The following RBFOX1 variants were observed in gnomAD, a reference collection of about 807,000 sequenced individuals.
The protein encoded by RBFOX1 is RNA binding protein fox-1 homolog 1.
Under a neutral mutation model 57.7 loss-of-function variants are expected in RBFOX1, and 8 were observed. That is an observed-to-expected ratio of 0.14 (90% CI 0.08 to 0.25). The LOEUF (loss-of-function observed/expected upper bound fraction) is 0.25, where lower values mean the gene tolerates loss of function less well. Among genes scored for constraint, RBFOX1 ranks in the 10% least tolerant of loss-of-function variants. The pLI is 1.00. For missense variants in RBFOX1, 611 were observed against 548.5 expected (o/e 1.11, Z -1.14); for synonymous variants, 326 against 222.4 (o/e 1.47, Z -4.15).
At chr16:5,943,822 CA>C (rs2059330904) in intron 4 of RBFOX1, among the ~76,000 whole-genome samples, 1 of 152,178 alleles carries the variant, frequency 6.6e-6, no homozygotes, top group Admixed American at 6.6e-5. Flanking sequence ...CCCACTCACC[CA>C]TCCATCGACC....
chr16:6,951,424 A>G (rs2080738755), intron 3 of RBFOX1, among the ~76,000 whole-genome samples: 1 of 152,174 alleles, frequency 6.6e-6, no homozygotes, highest in Non-Finnish European at 1.5e-5. Flanking sequence ...TTACTTAAGA[A>G]TCTCATAATG....
chr16:6,600,987 G>C (rs1404918751), intron 2 of RBFOX1, among the ~76,000 whole-genome samples: 1 of 152,144 alleles, frequency 6.6e-6, no homozygotes, highest in Non-Finnish European at 1.5e-5. Flanking sequence ...ATTATAGTCA[G>C]AGCTGCAGTT....
intron 2 of RBFOX1, among the ~76,000 whole-genome samples, chr16:6,489,111 T>C (rs1436970710): frequency 6.6e-6 from 1 of 152,188 alleles, no homozygotes; most frequent in Non-Finnish European, 1.5e-5. Flanking sequence ...AGTGCCCTAT[T>C]TTTTTCCAAT....
chr16:7,704,173 C>A (rs371465714), intron 14 of RBFOX1, among the ~76,000 whole-genome samples: 38 of 152,126 alleles, frequency 2.5e-4, no homozygotes, highest in Admixed American at 2.2e-3. Flanking sequence ...TCTTTTTGCC[C>A]CAAGTCCTGA....
chr16:7,132,452 ACACACACACACACACACAC>A (rs1458622737), intron 4 of RBFOX1, among the ~76,000 whole-genome samples: 1 of 71,948 alleles, frequency 1.4e-5, no homozygotes, highest in East Asian at 8.1e-4. Context: ...ACACACACAC[ACACACACACACACACACAC>A]ACACACACAC....
At chr16:7,304,543 C>CCGCG (rs972012182) in intron 4 of RBFOX1, 36 of 985,210 alleles carry the variant, frequency 3.7e-5, no homozygotes, top group Non-Finnish European at 4.1e-5. Flanking sequence ...AGATGGGTCC[C>CCGCG]CGCGCGTACT....
intron 2 of RBFOX1, among the ~76,000 whole-genome samples, chr16:6,479,939 T>C (rs2095345644): frequency 6.6e-6 from 1 of 151,322 alleles, no homozygotes; most frequent in African/African-American, 2.4e-5. Flanking sequence ...TGATCTCAGC[T>C]ACTCGGGAGG....
chr16:7,068,923 T>A (rs1486054609), intron 4 of RBFOX1, among the ~76,000 whole-genome samples: 1 of 152,214 alleles, frequency 6.6e-6, no homozygotes, highest in African/African-American at 2.4e-5. Context: ...TTCTGTTGAT[T>A]TCTACTCACG....
rs971829958 is a variant in RBFOX1 at position 6,927,992 on chromosome 16, C to G, written c.-15-124065C>G. On this transcript the variant is annotated intron_variant, in intron 3 of 15. Coordinates refer to ENST00000550418, the MANE Select transcript of RBFOX1 (RefSeq NM_018723.4). ...TAAAGTTTCCCATTGAGCTGCTGTT[C>G]CGCTGCTGCTGGCTTCCACCCCCAG... Among the ~76,000 whole-genome samples the G allele has an allele frequency of 4.6e-5, 7 of 152,274 alleles. No homozygotes were observed. The South Asian group carries it at 1.2e-3, about 27-fold the overall frequency.
intron 1 of RBFOX1, among the ~76,000 whole-genome samples, chr16:5,342,031 G>C (rs2065044234): frequency 6.6e-6 from 1 of 152,178 alleles, no homozygotes; most frequent in Non-Finnish European, 1.5e-5. Context: ...AAGAGTCAGT[G>C]GTGGGACAAT....
intron 4 of RBFOX1, among the ~76,000 whole-genome samples, chr16:7,371,686 G>C (rs1289587838): frequency 1.3e-5 from 2 of 152,136 alleles, no homozygotes; most frequent in Non-Finnish European, 2.9e-5. Flanking sequence ...TGGGGCGGAG[G>C]TTGCAGTGAG....
intron 3 of RBFOX1, among the ~76,000 whole-genome samples, chr16:7,016,498 G>A (rs1400337964): frequency 2.0e-5 from 3 of 152,148 alleles, no homozygotes; most frequent in Non-Finnish European, 4.4e-5. Context: ...CGTGATAACA[G>A]ACACAGCCAC....
At chr16:6,348,848 T>C (rs568677344) in intron 2 of RBFOX1, among the ~76,000 whole-genome samples, 1 of 152,206 alleles carries the variant, frequency 6.6e-6, no homozygotes, top group African/African-American at 2.4e-5. Flanking sequence ...GAACGTGAGA[T>C]TTGGACGGAG....
intron 4 of RBFOX1, among the ~76,000 whole-genome samples, chr16:5,956,303 T>C (rs565604467): frequency 6.6e-6 from 1 of 152,220 alleles, no homozygotes; most frequent in East Asian, 1.9e-4. Flanking sequence ...ACTAAATATG[T>C]ATTAAGCCCA....
chr16:5,509,317 C>T (rs2043495645), intron 2 of RBFOX1, among the ~76,000 whole-genome samples: 2 of 152,156 alleles, frequency 1.3e-5, no homozygotes, highest in African/African-American at 4.8e-5. Context: ...GGGGATGTCC[C>T]ACAGCTGGCC....
intron 3 of RBFOX1, among the ~76,000 whole-genome samples, chr16:6,663,229 A>G (rs1270270534): frequency 6.6e-6 from 1 of 152,132 alleles, no homozygotes; most frequent in South Asian, 2.1e-4. Context: ...CTGACAATGG[A>G]TGGGTGTCAT....
chr16:7,680,462 G>T (rs1194031562), intron 14 of RBFOX1, among the ~76,000 whole-genome samples: 1 of 152,110 alleles, frequency 6.6e-6, no homozygotes, highest in Admixed American at 6.6e-5. Flanking sequence ...CTCCACGTCA[G>T]GGCTGAAAGT....
intron 2 of RBFOX1, among the ~76,000 whole-genome samples, chr16:6,652,277 C>T (rs780705457): frequency 2.6e-5 from 4 of 152,050 alleles, no homozygotes; most frequent in Non-Finnish European, 4.4e-5. Flanking sequence ...GGTGAAATCC[C>T]ATCTCTACTA....
At chr16:7,327,855 A>G (rs189410063) in intron 4 of RBFOX1, among the ~76,000 whole-genome samples, 31 of 151,930 alleles carry the variant, frequency 2.0e-4, no homozygotes, top group Non-Finnish European at 4.3e-4. Context: ...TATCATGATC[A>G]TCATCATCCC....
Sources: allele counts gnomAD v4.1 joint callset (sites outside exome capture counted in the v4.1 genomes callset), GRCh38; gene constraint gnomAD v4.1.1; transcripts MANE v1.5; gene names NCBI Gene and HGNC (gene_info 2026-07-23, HGNC 2026-07-21).